The following SLC10A7 variants were observed in gnomAD, a reference collection of about 807,000 sequenced individuals.
SLC10A7 encodes the protein sodium/bile acid cotransporter 7.
A neutral mutation model predicts 43.2 loss-of-function variants in SLC10A7; 29 were observed. The ratio of observed to expected loss-of-function variants is 0.67; its 90% CI spans 0.50 to 0.92. SLC10A7 has a LOEUF of 0.92. Ranked by LOEUF, SLC10A7 falls within the 40% of genes least tolerant of loss-of-function variation. The pLI is 0.00. For synonymous variants in SLC10A7, 152 were observed against 144.8 expected (o/e 1.05, Z -0.35); for missense variants, 295 against 403.2 (o/e 0.73, Z 2.30).
intron 4 of SLC10A7, among the ~76,000 whole-genome samples, chr4:146,451,229 A>G (rs36003322): frequency 1.5e-5 from 2 of 135,344 alleles, no homozygotes; most frequent in African/African-American, 2.9e-5. Context: ...GAAGTCTCCC[A>G]CCAAAAAAAA....
intron 5 of SLC10A7, among the ~76,000 whole-genome samples, chr4:146,351,166 C>T (rs943069046): frequency 1.3e-5 from 2 of 150,838 alleles, no homozygotes; most frequent in Non-Finnish European, 2.9e-5. Context: ...ACTAGAATAA[C>T]CAATACAGAC....
chr4:146,510,143 AATTTT>A, intron 2 of SLC10A7, 94 bp from the exon 3 acceptor site: 1 of 1,264,848 alleles, frequency 7.9e-7, no homozygotes, highest in Non-Finnish European at 1.1e-6. Flanking sequence ...GTTAGTTCTT[AATTTT>A]GGGTTTTTTC....
In SLC10A7 at chr4:146,521,722, G is replaced by C. The variant is rs748006813; in HGVS notation, c.-5C>G. On this transcript the variant is annotated 5_prime_UTR_variant, in exon 1 of 12. Coordinates refer to ENST00000335472, the MANE Select transcript of SLC10A7 (RefSeq NM_001029998.6). ...CATTCTCTCCAGCAGCCTCATATTT[G>C]TTAGGGTGGGTGGGTTTTGTTTATT... 5.0e-6 allele frequency: 8 copies of C among 1,611,748 alleles called. No individual in the cohort carries two copies. The Admixed American group carries it at 5.0e-5, about 10-fold the overall frequency.
intron 4 of SLC10A7, among the ~76,000 whole-genome samples, chr4:146,447,975 C>A (rs141231857): frequency 1.3e-5 from 2 of 149,034 alleles, no homozygotes; most frequent in East Asian, 3.9e-4. Flanking sequence ...GGACAAAAAA[C>A]CAAACACCGC....
intron 5 of SLC10A7, among the ~76,000 whole-genome samples, chr4:146,346,041 A>T (rs1429306431): frequency 6.6e-6 from 1 of 152,106 alleles, no homozygotes; most frequent in African/African-American, 2.4e-5. Flanking sequence ...CAACAGTTTG[A>T]TTTTAGCACC....
chr4:146,502,294 C>T (rs767380017), intron 4 of SLC10A7, among the ~76,000 whole-genome samples: 13 of 152,106 alleles, frequency 8.5e-5, no homozygotes, highest in African/African-American at 3.1e-4. Flanking sequence ...AACTCTCATT[C>T]GCTACTGGTT....
At chr4:146,291,104 T>A (rs574928370) in intron 9 of SLC10A7, among the ~76,000 whole-genome samples, 1 of 152,190 alleles carries the variant, frequency 6.6e-6, no homozygotes, top group Non-Finnish European at 1.5e-5. Context: ...TTTTTAGTCA[T>A]TAACAGGATA....
chr4:146,492,177 G>A (rs1413937728), intron 4 of SLC10A7, among the ~76,000 whole-genome samples: 2 of 151,196 alleles, frequency 1.3e-5, no homozygotes, highest in Non-Finnish European at 2.9e-5. Context: ...CCGAGATCGC[G>A]TCACTGCACT....
At chr4:146,421,907 TTGA>T (rs1404978506) in intron 5 of SLC10A7, among the ~76,000 whole-genome samples, 2 of 152,218 alleles carry the variant, frequency 1.3e-5, no homozygotes, top group Non-Finnish European at 2.9e-5. Context: ...TCTTTTTTAA[TTGA>T]TGATATCACA....
Position 146,255,757 on chromosome 4 carries a change from G to T in SLC10A7, c.*734C>A, listed in dbSNP as rs1426594683. 1 of 152,164 alleles carries T rather than the reference G, an allele frequency of 6.6e-6. No homozygotes were observed. Among genetic ancestry groups the T allele is most frequent in the African/African-American group, 2.4e-5 (1 of 41,430 alleles). 9.4% of individuals were successfully genotyped at this position (152,164 alleles called of 1,614,324 possible). A position where few individuals can be genotyped will look rare whatever the true frequency, so the allele number is the denominator to read the frequency against. The stretch of plus-strand genomic sequence containing the variant: ...GAAATTATTGAATAAAGAGGAAGAA[G>T]ATATTAAGATATATTTTAAAGACCC... On this transcript the variant is annotated 3_prime_UTR_variant, in exon 12 of 12. Coordinates refer to ENST00000335472, the MANE Select transcript of SLC10A7 (RefSeq NM_001029998.6).
intron 4 of SLC10A7, among the ~76,000 whole-genome samples, chr4:146,501,088 A>C (rs1311841519): frequency 6.6e-6 from 1 of 151,632 alleles, no homozygotes; most frequent in Admixed American, 6.6e-5. Flanking sequence ...CATTCCCTTG[A>C]CCTCTTAATG....
At chr4:146,454,929 A>G (rs546995669) in intron 4 of SLC10A7, among the ~76,000 whole-genome samples, 1 of 151,944 alleles carries the variant, frequency 6.6e-6, no homozygotes, top group East Asian at 1.9e-4. Flanking sequence ...AATATCTAAG[A>G]TTTTTATTGT....
intron 9 of SLC10A7, among the ~76,000 whole-genome samples, 179 bp downstream of exon 9, chr4:146,292,750 C>A (rs1263989468): frequency 2.0e-5 from 3 of 152,120 alleles, no homozygotes; most frequent in Non-Finnish European, 2.9e-5. Flanking sequence ...CAAGGAAAGA[C>A]CCTTTGTAAT....
rs142995433 is a variant in SLC10A7 at position 146,394,582 on chromosome 4, G to C, written c.435+48201C>G. Among the ~76,000 whole-genome samples, 583 of 152,094 alleles carry C rather than the reference G, an allele frequency of 3.8e-3. 2 individuals carry two copies. Among genetic ancestry groups the C allele is most frequent in the African/African-American group, 0.013 (532 of 41,496 alleles). On this transcript the variant is annotated intron_variant, in intron 5 of 11. Transcript: ENST00000335472. Reference sequence around the variant, plus strand: ...TTGCCATGTTGCCCAGGCTGTTCTCGAACTCCTGAGCTCAGGCAATTCATC... The same window carrying C: ...TTGCCATGTTGCCCAGGCTGTTCTCCAACTCCTGAGCTCAGGCAATTCATC...
intron 5 of SLC10A7, among the ~76,000 whole-genome samples, chr4:146,375,888 C>G (rs1464626485): frequency 2.6e-5 from 4 of 152,148 alleles, no homozygotes; most frequent in Non-Finnish European, 4.4e-5. Flanking sequence ...GACTGCCCCC[C>G]ACTTCACATG....
At chr4:146,423,904 A>G (rs1729131665) in intron 5 of SLC10A7, among the ~76,000 whole-genome samples, 1 of 152,248 alleles carries the variant, frequency 6.6e-6, no homozygotes, top group Admixed American at 6.5e-5. Flanking sequence ...TATCAGGGGA[A>G]TCTAAATGTT....
intron 4 of SLC10A7, among the ~76,000 whole-genome samples, chr4:146,497,012 T>C (rs1443192396): frequency 6.6e-6 from 1 of 152,228 alleles, no homozygotes; most frequent in Non-Finnish European, 1.5e-5. Flanking sequence ...CTTTAAACTG[T>C]GTATATGTGT....
chr4:146,404,020 C>T (rs1212360689), intron 5 of SLC10A7, among the ~76,000 whole-genome samples: 1 of 151,672 alleles, frequency 6.6e-6, no homozygotes, highest in Non-Finnish European at 1.5e-5. Context: ...ACACACCTAC[C>T]AACAGTGTGC....
At chr4:146,440,275 T>TTTTC (rs111230305) in intron 5 of SLC10A7, among the ~76,000 whole-genome samples, 5 of 148,078 alleles carry the variant, frequency 3.4e-5, no homozygotes, top group Admixed American at 3.4e-4. Context: ...AGGGAGGTCT[T>TTTTC]TTTTCTTTTC....
Sources: allele counts gnomAD v4.1 joint callset (sites outside exome capture counted in the v4.1 genomes callset), GRCh38; gene constraint gnomAD v4.1.1; transcripts MANE v1.5; gene names NCBI Gene and HGNC (gene_info 2026-07-23, HGNC 2026-07-21).